EPB41L3: variants seen among roughly 807,000 people sequenced by gnomAD.
EPB41L3 encodes band 4.1-like protein 3.
In EPB41L3, 57 loss-of-function variants were observed where a neutral mutation model predicts 127.1. The ratio of observed to expected loss-of-function variants is 0.45; its 90% confidence interval spans 0.36 to 0.56. EPB41L3 has a LOEUF of 0.56. EPB41L3 is among the 20% of genes least tolerant of loss of function. The pLI is 0.00. For missense variants in EPB41L3, 1,273 were observed against 1,372.2 expected, an observed-to-expected ratio of 0.93 and a Z score of 1.14; for synonymous variants, 572 against 549.5, an observed-to-expected ratio of 1.04 and a Z score of -0.57.
chr18:5,521,224 G>C (rs1253267396), intron 1 of EPB41L3: 1 of 152,144 alleles, frequency 6.6e-6, no homozygotes, highest in Non-Finnish European at 1.5e-5. Flanking sequence ...TACATTGTTA[G>C]CTAACTCTGA....
chr18:5,626,345 G>C (rs2094923357), intron 1 of EPB41L3, among the ~76,000 whole-genome samples: 1 of 152,134 alleles, frequency 6.6e-6, no homozygotes, highest in Non-Finnish European at 1.5e-5. Context: ...TCAGTGATCT[G>C]GTGGCTACTT....
chr18:5,576,670 C>G (rs1221436727), intron 3 of EPB41L3, among the ~76,000 whole-genome samples: 1 of 152,180 alleles, frequency 6.6e-6, no homozygotes. Context: ...TAAATAGGTT[C>G]CTGAGCTGGG....
chr18:5,526,978 C>G (rs1257535595), intron 1 of EPB41L3, among the ~76,000 whole-genome samples: 3 of 150,260 alleles, frequency 2.0e-5, no homozygotes, highest in Admixed American at 6.6e-5. Flanking sequence ...GAATTATTTT[C>G]CAAATTACAA....
intron 3 of EPB41L3, among the ~76,000 whole-genome samples, chr18:5,590,085 GAAAATGGGAGAAAGAA>G (rs1342805546): frequency 6.6e-6 from 1 of 152,196 alleles, no homozygotes; most frequent in Non-Finnish European, 1.5e-5. Context: ...GGAGGAAGGA[GAAAATGGGAGAAAGAA>G]GAAGGACAAT....
chr18:5,424,108 T>C (rs1190998328), intron 10 of EPB41L3, among the ~76,000 whole-genome samples, 154 bp downstream of exon 10: 1 of 152,218 alleles, frequency 6.6e-6, no homozygotes, highest in Non-Finnish European at 1.5e-5. Context: ...TTAGTCTTTT[T>C]CTAGTTCTCT....
intron 1 of EPB41L3, among the ~76,000 whole-genome samples, chr18:5,524,263 G>A (rs2093131685): frequency 6.6e-6 from 1 of 151,774 alleles, no homozygotes; most frequent in South Asian, 2.1e-4. Flanking sequence ...GCGCAATCTC[G>A]GCTTCCTGCA....
chr18:5,412,525 G>A (rs1232626091), intron 13 of EPB41L3, among the ~76,000 whole-genome samples: 1 of 152,158 alleles, frequency 6.6e-6, no homozygotes, highest in Non-Finnish European at 1.5e-5. Flanking sequence ...CGCGCGCCCA[G>A]CTCGAATGAC....
intron 1 of EPB41L3, among the ~76,000 whole-genome samples, chr18:5,534,112 G>C (rs112765074): frequency 0.017 from 2,596 of 152,216 alleles, 75 homozygotes; most frequent in African/African-American, 0.059. Flanking sequence ...GCAGTGAGCC[G>C]AGATCTCGCC....
intron 1 of EPB41L3, among the ~76,000 whole-genome samples, chr18:5,490,906 T>C (rs554394795): frequency 2.6e-5 from 4 of 152,180 alleles, no homozygotes; most frequent in Non-Finnish European, 5.9e-5. Context: ...AGCCAAGCAC[T>C]GCTTGTGGTT....
chr18:5,473,326 T>C (rs1359572361), intron 3 of EPB41L3, among the ~76,000 whole-genome samples: 1 of 151,976 alleles, frequency 6.6e-6, no homozygotes, highest in Non-Finnish European at 1.5e-5. Context: ...GCCCTTTGAG[T>C]AACACCTACC....
At chr18:5,529,657 A>G (rs1489046298) in intron 1 of EPB41L3, among the ~76,000 whole-genome samples, 2 of 152,152 alleles carry the variant, frequency 1.3e-5, no homozygotes, top group African/African-American at 4.8e-5. Flanking sequence ...ACCTCTTTCC[A>G]AATCACATTG....
intron 5 of EPB41L3, among the ~76,000 whole-genome samples, chr18:5,441,462 A>AT (rs201943060): frequency 0.063 from 8,740 of 139,548 alleles, 964 homozygotes; most frequent in African/African-American, 0.22. Flanking sequence ...TCGAATTCCA[A>AT]TTTTTTTTTT....
intron 3 of EPB41L3, among the ~76,000 whole-genome samples, chr18:5,556,724 C>G (rs1028228610): frequency 6.6e-6 from 1 of 152,162 alleles, no homozygotes; most frequent in Non-Finnish European, 1.5e-5. Flanking sequence ...AACATGGAGT[C>G]CACAGACCTG....
At position 5,411,177 on chromosome 18, in the gene EPB41L3, T is replaced by C. The variant is rs578044580; in HGVS notation, c.2068-558A>G. 2.6e-5 allele frequency among the ~76,000 whole-genome samples: 4 copies of C among 152,346 alleles called. No homozygotes were observed. The East Asian group carries it at 7.7e-4, about 29-fold the overall frequency. Reference sequence around the variant, plus strand: ...TTACCTGTCAATTATAAAAGGCACATGCCAGTGACTCACAGGCATATATTT... The same window carrying C: ...TTACCTGTCAATTATAAAAGGCACACGCCAGTGACTCACAGGCATATATTT... On this transcript the variant is annotated intron_variant, in intron 13 of 22. Transcript: ENST00000341928.
At chr18:5,427,668 T>G (rs531249068) in intron 9 of EPB41L3, among the ~76,000 whole-genome samples, 1 of 152,300 alleles carries the variant, frequency 6.6e-6, no homozygotes. Flanking sequence ...AGAAAGAGCA[T>G]GGAGAAATAA....
At chr18:5,540,876 A>C (rs1355498019) in intron 1 of EPB41L3, among the ~76,000 whole-genome samples, 1 of 151,992 alleles carries the variant, frequency 6.6e-6, no homozygotes. Flanking sequence ...CGAGGTCAGG[A>C]GATCGAGACC....
At chr18:5,583,373 T>C (rs916500900) in intron 3 of EPB41L3, among the ~76,000 whole-genome samples, 4 of 151,848 alleles carry the variant, frequency 2.6e-5, no homozygotes, top group African/African-American at 4.8e-5. Flanking sequence ...TCAAGAGCTC[T>C]TCCCTGTCCA....
At chr18:5,508,592 C>A (rs1232992149) in intron 1 of EPB41L3, among the ~76,000 whole-genome samples, 1 of 151,506 alleles carries the variant, frequency 6.6e-6, no homozygotes, top group Non-Finnish European at 1.5e-5. Flanking sequence ...ATGGTGAAAC[C>A]CCGTCTCTAC....
At chr18:5,486,727 C>T (rs565611176) in intron 2 of EPB41L3, among the ~76,000 whole-genome samples, 43 of 152,176 alleles carry the variant, frequency 2.8e-4, no homozygotes, top group Admixed American at 3.9e-4. Context: ...TGAAAAAATG[C>T]TCAATATCAC....
Sources: gnomAD v4.1 joint callset for allele counts (sites outside exome capture counted in the v4.1 genomes callset) on GRCh38, gnomAD v4.1.1 for gene constraint, MANE v1.5 for transcripts, NCBI Gene and HGNC (gene_info 2026-07-23, HGNC 2026-07-21) for gene names.